PTPRM: variants seen among roughly 807,000 people sequenced by gnomAD.
PTPRM encodes protein tyrosine phosphatase receptor type M, also known as receptor-type tyrosine-protein phosphatase mu.
Under a neutral mutation model 186.7 loss-of-function variants are expected in PTPRM, and 47 were observed. The observed-to-expected ratio is 0.25, with a 90% confidence interval of 0.20 to 0.32. The LOEUF (loss-of-function observed/expected upper bound fraction) is 0.32. Ranked by LOEUF, PTPRM falls within the 10% of genes least tolerant of loss-of-function variation. The pLI is 1.00. For synonymous variants in PTPRM, 668 were observed against 674.9 expected, an observed-to-expected ratio of 0.99 and a Z score of 0.16; for missense variants, 1,494 against 1,865.0, an observed-to-expected ratio of 0.80 and a Z score of 3.66.
At chr18:8,217,288 C>G (rs1342820084) in intron 14 of PTPRM, among the ~76,000 whole-genome samples, 1 of 152,100 alleles carries the variant, frequency 6.6e-6, no homozygotes, top group African/African-American at 2.4e-5. Flanking sequence ...CATAAGTCGG[C>G]AAGTCAGTAG....
intron 2 of PTPRM, among the ~76,000 whole-genome samples, chr18:7,797,106 A>G (rs1474497696): frequency 1.3e-5 from 2 of 152,114 alleles, no homozygotes; most frequent in Non-Finnish European, 2.9e-5. Flanking sequence ...ACTGGTTTCT[A>G]GGTTCTCTAA....
At chr18:7,599,768 G>C (rs1198047003) in intron 1 of PTPRM, among the ~76,000 whole-genome samples, 1 of 152,194 alleles carries the variant, frequency 6.6e-6, no homozygotes, top group East Asian at 1.9e-4. Flanking sequence ...AGGCCTGTTT[G>C]TGATGAGAGC....
intron 32 of PTPRM, among the ~76,000 whole-genome samples, chr18:8,405,537 TG>T (rs1288541626): frequency 6.6e-6 from 1 of 152,166 alleles, no homozygotes; most frequent in African/African-American, 2.4e-5. Flanking sequence ...TTCCACCTCA[TG>T]TGTTGTCATT....
chr18:7,601,467 G>C lies in PTPRM; in HGVS notation c.73+33576G>C, dbSNP rs140734891. On this transcript the variant is annotated intron_variant, in intron 1 of 32. Coordinates refer to ENST00000580170, the MANE Select transcript of PTPRM (RefSeq NM_001105244.2). ...CTGGAGTCAAGGTGTGAGCAGCTAC[G>C]CTCCTTCCTAAGGCTCTGGAGACAC... 2.6e-4 allele frequency among the ~76,000 whole-genome samples: 39 copies of C among 152,318 alleles called. No homozygotes were observed. In the East Asian group the frequency reaches 6.2e-3, roughly 24 times the overall value.
chr18:8,025,184 C>T (rs959441339), intron 7 of PTPRM, among the ~76,000 whole-genome samples: 5 of 152,216 alleles, frequency 3.3e-5, no homozygotes, highest in Admixed American at 6.5e-5. Flanking sequence ...AGAAATACCA[C>T]GTTTGCAGCA....
chr18:8,294,755 G>A (rs1203575135), intron 19 of PTPRM, among the ~76,000 whole-genome samples: 2 of 152,128 alleles, frequency 1.3e-5, no homozygotes, highest in African/African-American at 4.8e-5. Flanking sequence ...CACGACTAAG[G>A]GACCTTAAGA....
At chr18:8,197,266 C>T (rs748862977) in intron 14 of PTPRM, among the ~76,000 whole-genome samples, 2 of 152,138 alleles carry the variant, frequency 1.3e-5, no homozygotes, top group African/African-American at 2.4e-5. Context: ...TTGCTATTTA[C>T]TCAGTGTTTT....
At chr18:7,579,446 T>C (rs2036785970) in intron 1 of PTPRM, among the ~76,000 whole-genome samples, 1 of 152,274 alleles carries the variant, frequency 6.6e-6, no homozygotes, top group Non-Finnish European at 1.5e-5. Context: ...TGAGGATTAC[T>C]ATTAATACAT....
intron 23 of PTPRM, among the ~76,000 whole-genome samples, chr18:8,355,913 C>T (rs916379534): frequency 2.0e-5 from 3 of 152,186 alleles, no homozygotes; most frequent in Non-Finnish European, 4.4e-5. Context: ...GCTCTCTGGT[C>T]TCTTTGTCAC....
intron 1 of PTPRM, among the ~76,000 whole-genome samples, chr18:7,598,051 TAG>T (rs1217392221): frequency 2.0e-5 from 3 of 152,202 alleles, no homozygotes; most frequent in Non-Finnish European, 4.4e-5. Flanking sequence ...CTCTTGAAAT[TAG>T]TGGGGTTTAG....
chr18:8,195,912 A>G (rs954282751), intron 14 of PTPRM, among the ~76,000 whole-genome samples: 9 of 152,238 alleles, frequency 5.9e-5, no homozygotes, highest in African/African-American at 2.2e-4. Flanking sequence ...AGACAAAAAA[A>G]TCAATCCTCA....
At chr18:8,077,942 C>A (rs755500393) in intron 9 of PTPRM, among the ~76,000 whole-genome samples, 12 of 152,116 alleles carry the variant, frequency 7.9e-5, no homozygotes, top group Admixed American at 1.3e-4. Flanking sequence ...ACCCATTAGT[C>A]TCTCTGATTC....
At chr18:8,240,697 GAGAA>G (rs1325610308) in intron 14 of PTPRM, among the ~76,000 whole-genome samples, 9 of 54,958 alleles carry the variant, frequency 1.6e-4, no homozygotes, top group East Asian at 2.9e-4. Context: ...GAGAGAAAGA[GAGAA>G]AGAAAGAAGG....
At chr18:8,088,887 A>C in intron 11 of PTPRM, 36 bp downstream of exon 11, 1 of 1,462,744 alleles carries the variant, frequency 6.8e-7, no homozygotes, top group East Asian at 2.3e-5. Flanking sequence ...TCTAGATAGA[A>C]GAAAACTAAA....
intron 7 of PTPRM, among the ~76,000 whole-genome samples, chr18:7,988,520 G>A (rs779683388): frequency 6.6e-6 from 1 of 151,990 alleles, no homozygotes; most frequent in African/African-American, 2.4e-5. Context: ...CAAAACATTG[G>A]TATCATCCCT....
chr18:8,375,693 T>A (rs1456506994), intron 24 of PTPRM, among the ~76,000 whole-genome samples: 1 of 152,196 alleles, frequency 6.6e-6, no homozygotes, highest in Non-Finnish European at 1.5e-5. Flanking sequence ...CTACAGACTC[T>A]CACCTCACCA....
intron 7 of PTPRM, among the ~76,000 whole-genome samples, chr18:7,991,988 G>A (rs1454735617): frequency 6.6e-6 from 1 of 152,054 alleles, no homozygotes; most frequent in Non-Finnish European, 1.5e-5. Flanking sequence ...CCATCGACCA[G>A]CCTCCAGAAA....
chr18:7,921,503 C>T (rs1009243712), intron 4 of PTPRM, among the ~76,000 whole-genome samples: 10 of 151,740 alleles, frequency 6.6e-5, no homozygotes, highest in Admixed American at 4.6e-4. Context: ...GCCTCAGCCT[C>T]CTGAGTAGCC....
chr18:7,697,769 G>A (rs2039875841), intron 1 of PTPRM, among the ~76,000 whole-genome samples: 1 of 152,190 alleles, frequency 6.6e-6, no homozygotes, highest in Non-Finnish European at 1.5e-5. Context: ...CTTAGGCACA[G>A]ATAGAGGATG....
Sources: gnomAD v4.1 joint callset for allele counts (sites outside exome capture counted in the v4.1 genomes callset) on GRCh38, gnomAD v4.1.1 for gene constraint, MANE v1.5 for transcripts, NCBI Gene and HGNC (gene_info 2026-07-23, HGNC 2026-07-21) for gene names.